Variants in SLC30A9 observed in about 807,000 individuals in gnomAD.
SLC30A9 encodes proton-coupled zinc antiporter SLC30A9, mitochondrial.
In SLC30A9, 58 loss-of-function variants were observed where a neutral mutation model predicts 87.5. The observed-to-expected ratio is 0.66, with a 90% CI of 0.54 to 0.82. The LOEUF (loss-of-function observed/expected upper bound fraction) is 0.82. Ranked by LOEUF, SLC30A9 falls within the 40% of genes least tolerant of loss-of-function variation. SLC30A9 has a pLI of 0.00. For missense variants in SLC30A9, 557 were observed against 679.1 expected (o/e 0.82, Z 2.00); for synonymous variants, 234 against 233.0 (o/e 1.00, Z -0.04).
chr4:42,051,995 TATG>T (rs1428697232), intron 9 of SLC30A9, among the ~76,000 whole-genome samples: 25 of 149,844 alleles, frequency 1.7e-4, no homozygotes, highest in Non-Finnish European at 2.8e-4. Context: ...AATATATAAA[TATG>T]ATATATATAA....
At chr4:42,025,058 A>G (rs1716130091) in intron 6 of SLC30A9, among the ~76,000 whole-genome samples, 1 of 151,808 alleles carries the variant, frequency 6.6e-6, no homozygotes, top group African/African-American at 2.4e-5. Context: ...TGCAGAGAAA[A>G]ACATAATAAC....
intron 2 of SLC30A9, among the ~76,000 whole-genome samples, chr4:42,007,020 G>A (rs1715233550): frequency 6.6e-6 from 1 of 152,132 alleles, no homozygotes; most frequent in African/African-American, 2.4e-5. Flanking sequence ...ACAAGTAGGG[G>A]AGGTACTTGA....
intron 2 of SLC30A9, among the ~76,000 whole-genome samples, chr4:42,016,585 A>G (rs1418471020): frequency 6.6e-6 from 1 of 152,024 alleles, no homozygotes; most frequent in Non-Finnish European, 1.5e-5. Context: ...AGTTGCTAAG[A>G]TTTATCTTAT....
intron 6 of SLC30A9, among the ~76,000 whole-genome samples, chr4:42,025,090 C>A (rs1716131598): frequency 9.7e-6 from 1 of 103,548 alleles, no homozygotes; most frequent in African/African-American, 2.6e-5. Flanking sequence ...CATCATCTGG[C>A]TTTACAGCTA....
At position 42,029,841 on chromosome 4, in the gene SLC30A9, C is replaced by G. The variant is rs1343496731; in HGVS notation, c.611-5434C>G. The G allele has an allele frequency of 4.2e-6, 3 of 721,800 alleles. No homozygotes were observed. The Admixed American group carries it at 5.3e-5, about 13-fold the overall frequency. The allele number at this position is 721,800 out of a possible 1,614,324, so 44.7% of individuals were successfully genotyped here. On this transcript the variant is annotated intron_variant, in intron 6 of 17. Transcript: ENST00000264451. Reference sequence around the variant, plus strand: ...GATGAAGTATAACGCATCTGTGTTTCCTGTTCAGTGCACTGGCTAGCAAGA... The same window carrying G: ...GATGAAGTATAACGCATCTGTGTTTGCTGTTCAGTGCACTGGCTAGCAAGA...
chr4:42,070,577 G>T lies in SLC30A9; in HGVS notation c.1304G>T (p.Gly435Val). Residue 435 changes from glycine (G) to valine (V), a missense_variant, in exon 15 of 18, where the codon GGC (glycine) becomes GTC (valine). Physicochemically the swap from Gly to Val is moderately radical, Grantham distance 109. Transcript: ENST00000264451. ...LGSLGVGTLL[G>V]MVSAFLIYTN... ...TCTTTGGGTGTGGGCACCTTATTAG[G>T]CATGGTCTCAGCATTCCTCATCTAC... 2.5e-6 allele frequency: 4 copies of T among 1,612,818 alleles called. No individual in the cohort carries two copies. Among genetic ancestry groups the T allele is most frequent in the Non-Finnish European group, 3.4e-6 (4 of 1,179,438 alleles).
chr4:42,030,167 A>G, intron 6 of SLC30A9: 1 of 699,978 alleles, frequency 1.4e-6, no homozygotes. Flanking sequence ...ATAAGTTTAA[A>G]AAAAGATACA....
chr4:42,025,059 A>C (rs1716130238), intron 6 of SLC30A9, among the ~76,000 whole-genome samples: 1 of 151,786 alleles, frequency 6.6e-6, no homozygotes, highest in African/African-American at 2.4e-5. Flanking sequence ...GCAGAGAAAA[A>C]CATAATAACC....
intron 2 of SLC30A9, among the ~76,000 whole-genome samples, chr4:42,011,673 T>C (rs1715452196): frequency 6.6e-6 from 1 of 152,214 alleles, no homozygotes; most frequent in South Asian, 2.1e-4. Flanking sequence ...AATCAATAAA[T>C]GTGAATTAAT....
intron 2 of SLC30A9, among the ~76,000 whole-genome samples, chr4:42,002,378 A>C (rs1011113637): frequency 2.0e-5 from 3 of 151,884 alleles, no homozygotes; most frequent in African/African-American, 7.3e-5. Context: ...CATCACCCAG[A>C]TAGTCAGCAT....
rs1374934330 is a variant in SLC30A9 at position 42,084,233 on chromosome 4, TAA to T, written c.1663-1848_1663-1847del. ...CTCACCTGCCTCAGTACTTATATTT[TAA>T]GAGATAACCATTTTTAATACTTTTA... On this transcript the variant is annotated intron_variant, in intron 17 of 17. Coordinates refer to ENST00000264451, the MANE Select transcript of SLC30A9 (RefSeq NM_006345.4). Among the ~76,000 whole-genome samples, 10 of 152,338 alleles carry T rather than the reference TAA, an allele frequency of 6.6e-5. No homozygotes were observed. In the East Asian group the frequency reaches 1.3e-3, roughly 21 times the overall value.
chr4:41,998,544 A>G (rs1577676198), intron 1 of SLC30A9, among the ~76,000 whole-genome samples: 1 of 151,454 alleles, frequency 6.6e-6, no homozygotes, highest in African/African-American at 2.4e-5. Flanking sequence ...GTTCACTGCA[A>G]CCTCCGCCTC....
chr4:42,017,375 GTTTTTT>G (rs61558035), intron 2 of SLC30A9, among the ~76,000 whole-genome samples: 3,804 of 138,726 alleles, frequency 0.027, 79 homozygotes, highest in African/African-American at 0.044. Flanking sequence ...TTTTTTCTCT[GTTTTTT>G]TTTTTTTATG....
intron 1 of SLC30A9, among the ~76,000 whole-genome samples, chr4:42,000,163 T>G (rs1357663734): frequency 1.3e-5 from 2 of 152,134 alleles, no homozygotes; most frequent in Non-Finnish European, 2.9e-5. Context: ...AAGGAAGGAC[T>G]TTTAAACTGT....
rs528858976 is a variant in SLC30A9, at chr4:42,043,110, G to A, written c.737+4057G>A. 3.2e-3 allele frequency among the ~76,000 whole-genome samples: 489 copies of A among 152,234 alleles called. 2 individuals are homozygous for A. The highest frequency in any genetic ancestry group is 0.011 in the African/African-American group (467 of 41,544). ...AAAGACCAAAGGTAGATAAATCCAT[G>A]AAGATGAGGAAAAACCAGTGCAAAA... is the stretch of plus-strand genomic sequence containing the variant. On this transcript the variant is annotated intron_variant, in intron 8 of 17. Coordinates refer to ENST00000264451, the MANE Select transcript of SLC30A9 (RefSeq NM_006345.4).
intron 2 of SLC30A9, among the ~76,000 whole-genome samples, chr4:42,011,729 T>G (rs982313803): frequency 6.6e-6 from 1 of 152,166 alleles, no homozygotes; most frequent in African/African-American, 2.4e-5. Flanking sequence ...TAAAATAAGT[T>G]TAATGTTCTC....
chr4:42,059,358 C>A (rs1717753374), intron 9 of SLC30A9, among the ~76,000 whole-genome samples: 1 of 152,048 alleles, frequency 6.6e-6, no homozygotes, highest in Non-Finnish European at 1.5e-5. Flanking sequence ...AAAGGACTTA[C>A]TAGGGACAAG....
intron 8 of SLC30A9, among the ~76,000 whole-genome samples, chr4:42,040,965 A>G (rs1716899615): frequency 1.3e-5 from 2 of 152,148 alleles, no homozygotes; most frequent in Admixed American, 1.3e-4. Context: ...AAAGAGGTTT[A>G]ATTGGACTTA....
At chr4:42,069,517 C>T (rs982621321) in intron 14 of SLC30A9, among the ~76,000 whole-genome samples, 2 of 152,010 alleles carry the variant, frequency 1.3e-5, no homozygotes, top group South Asian at 2.1e-4. Flanking sequence ...GTTTTACAAG[C>T]GGATCATTTT....
Sources: gnomAD v4.1 joint callset for allele counts (sites outside exome capture counted in the v4.1 genomes callset) on GRCh38, gnomAD v4.1.1 for gene constraint, MANE v1.5 for transcripts, NCBI Gene and HGNC (gene_info 2026-07-23, HGNC 2026-07-21) for gene names.